The following IFRD1 variants were observed in gnomAD, a reference collection of about 807,000 sequenced individuals.
IFRD1 encodes the protein interferon related developmental regulator 1, also known as interferon-related developmental regulator 1.
In IFRD1, 35 loss-of-function variants were observed where a neutral mutation model predicts 52.9. The ratio of observed to expected loss-of-function variants is 0.66; its 90% confidence interval spans 0.51 to 0.88. The LOEUF is 0.88. Ranked by LOEUF, IFRD1 falls within the 40% of genes least tolerant of loss-of-function variation. The pLI is 0.00. For synonymous variants in IFRD1, 184 were observed against 188.4 expected, an observed-to-expected ratio of 0.98 and a Z score of 0.19; for missense variants, 517 against 550.8, an observed-to-expected ratio of 0.94 and a Z score of 0.61.
chr7:112,454,272 C>A (rs889254218), intron 1 of IFRD1, among the ~76,000 whole-genome samples: 3 of 151,938 alleles, frequency 2.0e-5, no homozygotes, highest in African/African-American at 7.3e-5. Context: ...CGGCTCACTG[C>A]AGTCTGTGCC....
In IFRD1 at chr7:112,431,078, G is replaced by A. The variant is rs546238683; in HGVS notation, c.-182+7646G>A. ...ATTTTCTGCTTATTATTTTTCGAGCGTATTGCTGTTACTACCAGTATCCTG... is the reference window on the plus strand; with the variant it reads ...ATTTTCTGCTTATTATTTTTCGAGCATATTGCTGTTACTACCAGTATCCTG... On this transcript the variant is annotated intron_variant, in intron 1 of 12. Coordinates refer to the IFRD1 transcript ENST00000005558. Among the ~76,000 whole-genome samples, 31 of 151,982 alleles carry A rather than the reference G, an allele frequency of 2.0e-4. No individual in the cohort carries two copies. In the South Asian group the frequency reaches 3.5e-3, roughly 17 times the overall value.
upstream of IFRD1, among the ~76,000 whole-genome samples, chr7:112,446,972 A>C (rs1257171835): frequency 6.6e-6 from 1 of 152,188 alleles, no homozygotes; most frequent in East Asian, 1.9e-4. Flanking sequence ...GGCAAGAAAC[A>C]GATTCCGACA....
intron 7 of IFRD1, 28 bp downstream of exon 7, chr7:112,462,207 A>G: frequency 1.9e-6 from 3 of 1,612,030 alleles, no homozygotes; most frequent in Non-Finnish European, 2.5e-6. Flanking sequence ...CATATTTTAT[A>G]AAAGCAACAT....
chr7:112,465,736 T>C (rs1795592157), intron 8 of IFRD1, among the ~76,000 whole-genome samples: 1 of 152,168 alleles, frequency 6.6e-6, no homozygotes, highest in Non-Finnish European at 1.5e-5. Context: ...GGTGGATGCT[T>C]GTGATTCAAA....
At chr7:112,423,841 G>A (rs1052972714) in intron 1 of IFRD1, among the ~76,000 whole-genome samples, 3 of 152,102 alleles carry the variant, frequency 2.0e-5, no homozygotes, top group South Asian at 2.1e-4. Flanking sequence ...TATGTGTTCC[G>A]TGGATTTATC....
chr7:112,446,039 A>G (rs1374314447), upstream of IFRD1: 2 of 152,290 alleles, frequency 1.3e-5, no homozygotes, highest in Non-Finnish European at 2.9e-5. Context: ...CAGTAACTTA[A>G]AGGATGATGG....
At chr7:112,438,817 C>T (rs1002735935) in intron 1 of IFRD1, among the ~76,000 whole-genome samples, 2 of 152,160 alleles carry the variant, frequency 1.3e-5, no homozygotes, top group Non-Finnish European at 2.9e-5. Context: ...GGTACCATTA[C>T]TCACCCATCA....
At chr7:112,434,799 A>C (rs1427104273) in intron 1 of IFRD1, among the ~76,000 whole-genome samples, 1 of 152,176 alleles carries the variant, frequency 6.6e-6, no homozygotes, top group Non-Finnish European at 1.5e-5. Flanking sequence ...CTAATATCAC[A>C]CTCATACTAT....
intron 1 of IFRD1, among the ~76,000 whole-genome samples, chr7:112,454,142 A>G (rs1332301953): frequency 6.6e-6 from 1 of 152,208 alleles, no homozygotes. Context: ...TGAAGTTTAA[A>G]GAAAGATTCT....
intron 1 of IFRD1, among the ~76,000 whole-genome samples, chr7:112,425,086 G>A (rs1302763585): frequency 6.6e-6 from 1 of 151,958 alleles, no homozygotes; most frequent in Non-Finnish European, 1.5e-5. Context: ...GCTCACTGCA[G>A]CCTCAAACTC....
At chr7:112,451,049 CAG>C in intron 1 of IFRD1, 6 of 492,742 alleles carry the variant, frequency 1.2e-5, no homozygotes, top group South Asian at 4.7e-5. Context: ...TGTGTCGGGA[CAG>C]GGGCTGACCG....
At chr7:112,468,523 G>GGA (rs1337022147) in intron 9 of IFRD1, among the ~76,000 whole-genome samples, 1 of 151,988 alleles carries the variant, frequency 6.6e-6, no homozygotes, top group Admixed American at 6.6e-5. Context: ...TATTTGAGAT[G>GGA]GAGTCTCGCT....
chr7:112,456,956 A>G lies in IFRD1; in HGVS notation c.327A>G (p.Ala109=). The change falls in exon 4 of 12, where the codon GCA becomes GCG. Residue 109 remains alanine, a synonymous_variant. Coordinates refer to ENST00000403825, the MANE Select transcript of IFRD1 (RefSeq NM_001550.4). ...CAGCTCTTGAAGGTATTAAAAATGC[A>G]CTGGCTTCAAAAATGCTGTATGAAT... ...RQAALEGIKN[A]LASKMLYEFI... is the part of the protein sequence containing the mutation. 2 of 1,613,852 alleles carry G rather than the reference A, an allele frequency of 1.2e-6. No individual in the cohort carries two copies. Among genetic ancestry groups the G allele is most frequent in the Non-Finnish European group, 1.7e-6 (2 of 1,179,764 alleles).
Sources: gnomAD v4.1 joint callset for allele counts (sites outside exome capture counted in the v4.1 genomes callset) on GRCh38, gnomAD v4.1.1 for gene constraint, MANE v1.5 for transcripts, NCBI Gene and HGNC (gene_info 2026-07-23, HGNC 2026-07-21) for gene names.